The following MANBA variants were observed in gnomAD, a reference collection of about 807,000 sequenced individuals.
The protein encoded by MANBA is mannosidase beta, also known as beta-mannosidase.
In MANBA, 83 loss-of-function variants were observed where a neutral mutation model predicts 111.1. That is an observed-to-expected ratio of 0.75 (90% CI 0.63 to 0.90). The LOEUF (loss-of-function observed/expected upper bound fraction) is 0.90. Among genes scored for constraint, MANBA ranks in the 40% least tolerant of loss-of-function variants. MANBA has a pLI of 0.00. For missense variants in MANBA, 1,036 were observed against 1,069.0 expected, an observed-to-expected ratio of 0.97 and a Z score of 0.43; for synonymous variants, 370 against 378.7, an observed-to-expected ratio of 0.98 and a Z score of 0.27.
intron 7 of MANBA, among the ~76,000 whole-genome samples, chr4:102,675,289 T>C (rs1338578614): frequency 6.6e-6 from 1 of 152,200 alleles, no homozygotes; most frequent in African/African-American, 2.4e-5. Flanking sequence ...TGAGTGTCAG[T>C]GGAATTTTCC....
chr4:102,643,299 A>C (rs1277929568), intron 13 of MANBA, among the ~76,000 whole-genome samples: 1 of 152,168 alleles, frequency 6.6e-6, no homozygotes, highest in African/African-American at 2.4e-5. Flanking sequence ...TCTATTCGTC[A>C]GCTGAAAAAT....
chr4:102,700,915 G>C (rs1487223394), intron 5 of MANBA, among the ~76,000 whole-genome samples: 1 of 152,020 alleles, frequency 6.6e-6, no homozygotes, highest in African/African-American at 2.4e-5. Flanking sequence ...GGGTATCCTT[G>C]TTAACTTTCT....
rs71934469 is a variant in MANBA at position 102,631,106 on chromosome 4, TTGTGTGTGTGTGTGTGTGTGTGTG to T, written c.*927_*950del. The stretch of plus-strand genomic sequence containing the variant: ...GTCCCCTTATCCCCTTGATAAGGCT[TTGTGTGTGTGTGTGTGTGTGTGTG>T]TGTGTGTGTGTGTGTGTGTGTGTAC... On this transcript the variant is annotated 3_prime_UTR_variant, in exon 17 of 17. Coordinates refer to ENST00000647097, the MANE Select transcript of MANBA (RefSeq NM_005908.4). The T allele has an allele frequency of 2.7e-5, 2 of 73,094 alleles. No individual in the cohort carries two copies. The highest frequency in any genetic ancestry group is 8.6e-5 in the African/African-American group (2 of 23,132). 4.5% of individuals were successfully genotyped at this position (73,094 alleles called of 1,614,324 possible). A position where few individuals can be genotyped will look rare whatever the true frequency, so the allele number is the denominator to read the frequency against.
chr4:102,737,778 G>A (rs1013192354), intron 1 of MANBA, among the ~76,000 whole-genome samples: 8 of 152,206 alleles, frequency 5.3e-5, no homozygotes, highest in Admixed American at 1.3e-4. Flanking sequence ...GACTGCGCCC[G>A]GCCGGGTAAG....
chr4:102,675,784 C>A (rs1731698208), intron 7 of MANBA, among the ~76,000 whole-genome samples: 1 of 151,934 alleles, frequency 6.6e-6, no homozygotes, highest in Non-Finnish European at 1.5e-5. Flanking sequence ...ACCAGCCTGG[C>A]CAACATGGTG....
intron 5 of MANBA, among the ~76,000 whole-genome samples, chr4:102,697,743 A>C (rs1319063566): frequency 4.7e-5 from 7 of 150,450 alleles, no homozygotes; most frequent in African/African-American, 1.7e-4. Context: ...ACATTTTCTT[A>C]ATCCAGTCTA....
intron 7 of MANBA, among the ~76,000 whole-genome samples, chr4:102,675,203 TG>T (rs1344135030): frequency 6.6e-6 from 1 of 152,232 alleles, no homozygotes; most frequent in African/African-American, 2.4e-5. Context: ...GGAGGTCCCT[TG>T]GAGACTGTCA....
chr4:102,738,763 C>A (rs1393723774), intron 1 of MANBA, among the ~76,000 whole-genome samples: 1 of 152,176 alleles, frequency 6.6e-6, no homozygotes, highest in Non-Finnish European at 1.5e-5. Flanking sequence ...AATCTCTGAA[C>A]TGCCAAATAA....
intron 12 of MANBA, among the ~76,000 whole-genome samples, chr4:102,653,658 A>C (rs929920648): frequency 1.3e-5 from 2 of 152,244 alleles, no homozygotes; most frequent in African/African-American, 4.8e-5. Flanking sequence ...CAAATGATTC[A>C]TAATGAGCAG....
intron 1 of MANBA, among the ~76,000 whole-genome samples, chr4:102,760,202 A>G (rs989285486): frequency 1.4e-4 from 21 of 152,164 alleles, no homozygotes; most frequent in Admixed American, 1.3e-3. Context: ...TGACAAACCC[A>G]ACTTTACTCT....
At chr4:102,664,540 CG>C (rs1388557719) in intron 11 of MANBA, 144 bp downstream of exon 11, 5 of 663,232 alleles carry the variant, frequency 7.5e-6, no homozygotes, top group Non-Finnish European at 1.3e-5. Context: ...TTAGTAGAGA[CG>C]GGGTTTCACC....
chr4:102,690,507 C>A (rs1732423808), intron 6 of MANBA, 89 bp downstream of exon 6: 2 of 1,260,622 alleles, frequency 1.6e-6, no homozygotes, highest in East Asian at 2.4e-5. Context: ...GTAGAATTTT[C>A]TTTCATACTT....
chr4:102,633,013 A>G (rs1729459124), intron 16 of MANBA, among the ~76,000 whole-genome samples: 1 of 152,244 alleles, frequency 6.6e-6, no homozygotes, highest in Non-Finnish European at 1.5e-5. Context: ...TTGTCATGCA[A>G]CATCTCAGTC....
intron 7 of MANBA, among the ~76,000 whole-genome samples, chr4:102,682,186 T>G (rs6828145): frequency 0.034 from 5,141 of 149,990 alleles, 303 homozygotes; most frequent in African/African-American, 0.12. Context: ...TTAACTTTCA[T>G]GTAGAATATA....
chr4:102,751,587 C>G, intron 1 of MANBA: 1 of 538,676 alleles, frequency 1.9e-6, no homozygotes, highest in Admixed American at 1.9e-5. Context: ...CCAGTTTCTG[C>G]GAATGTCCTT....
chr4:102,718,670 C>G lies in MANBA; in HGVS notation c.550-4109G>C, dbSNP rs759959843. On this transcript the variant is annotated intron_variant, in intron 4 of 16. Transcript: ENST00000647097. ...ACAGGGAAAGTGGAGGTTCAAAGAA[C>G]TGGTGAAAGAGAATATCAGGGGAAC... Among the ~76,000 whole-genome samples the G allele has an allele frequency of 5.2e-4, 79 of 152,194 alleles. 1 individual carries two copies. The highest frequency in any genetic ancestry group is 1.0e-4 in the Non-Finnish European group (7 of 68,038).
chr4:102,636,097 G>A, intron 14 of MANBA, 90 bp from the exon 15 acceptor site: 3 of 1,156,798 alleles, frequency 2.6e-6, no homozygotes, highest in Non-Finnish European at 3.8e-6. Flanking sequence ...GCTCATCGGG[G>A]TTCTAAGGGA....
intron 8 of MANBA, chr4:102,671,952 C>T: frequency 2.5e-6 from 1 of 404,880 alleles, no homozygotes; most frequent in Non-Finnish European, 4.3e-6. Flanking sequence ...AACCAAGTAA[C>T]AGGCTGGGCA....
intron 1 of MANBA, chr4:102,730,488 G>T: frequency 1.9e-6 from 1 of 523,614 alleles, no homozygotes; most frequent in Middle Eastern, 6.1e-4. Context: ...TCCTGGGGCA[G>T]CTCGTCCCTA....
Sources: allele counts gnomAD v4.1 joint callset (sites outside exome capture counted in the v4.1 genomes callset), GRCh38; gene constraint gnomAD v4.1.1; transcripts MANE v1.5; gene names NCBI Gene and HGNC (gene_info 2026-07-23, HGNC 2026-07-21).